Variants in SLC12A6 observed in about 807,000 individuals in gnomAD.
SLC12A6 encodes the protein solute carrier family 12 member 6.
SLC12A6 carries 66 observed loss-of-function variants against 135.3 expected under a neutral mutation model. The observed-to-expected ratio is 0.49, with a 90% CI of 0.40 to 0.60. The LOEUF is 0.60. Among genes scored for constraint, SLC12A6 ranks in the 20% least tolerant of loss-of-function variants. The pLI is 0.00. For missense variants in SLC12A6, 1,058 were observed against 1,452.3 expected (o/e 0.73, Z 4.41); for synonymous variants, 513 against 508.8 (o/e 1.01, Z -0.11).
intron 3 of SLC12A6, among the ~76,000 whole-genome samples, chr15:34,273,795 C>G (rs1894118773): frequency 1.3e-5 from 2 of 152,052 alleles, no homozygotes; most frequent in African/African-American, 4.8e-5. Flanking sequence ...CTTAACCTCA[C>G]TTACACTGAA....
chr15:34,312,270 G>A (rs535216430), intron 2 of SLC12A6, among the ~76,000 whole-genome samples: 1 of 152,160 alleles, frequency 6.6e-6, no homozygotes, highest in Non-Finnish European at 1.5e-5. Context: ...GGATCCTCCC[G>A]TACATCCTAT....
chr15:34,310,646 G>A (rs113297944), intron 2 of SLC12A6, among the ~76,000 whole-genome samples: 1 of 82,142 alleles, frequency 1.2e-5, no homozygotes, highest in East Asian at 4.6e-4. Flanking sequence ...GTGTGTGTGT[G>A]TGTGTGTGTG....
chr15:34,335,504 A>G (rs1298820029), intron 2 of SLC12A6, among the ~76,000 whole-genome samples: 1 of 152,252 alleles, frequency 6.6e-6, no homozygotes, highest in Non-Finnish European at 1.5e-5. Flanking sequence ...TTTTATCATT[A>G]AAAGATTACA....
At chr15:34,320,603 A>ATTT (rs10543386) in intron 2 of SLC12A6, among the ~76,000 whole-genome samples, 1 of 144,930 alleles carries the variant, frequency 6.9e-6, no homozygotes. Flanking sequence ...GGAATAAACA[A>ATTT]TTTTTTTTTT....
At chr15:34,259,072 G>C (rs1022708468) in intron 4 of SLC12A6, 128 bp from the exon 5 acceptor site, 1 of 709,922 alleles carries the variant, frequency 1.4e-6, no homozygotes, top group African/African-American at 1.8e-5. Context: ...GGGTGCAGTG[G>C]CTCACACCTG....
At chr15:34,276,626 G>A (rs1231103053) in intron 2 of SLC12A6, among the ~76,000 whole-genome samples, 2 of 152,076 alleles carry the variant, frequency 1.3e-5, no homozygotes, top group African/African-American at 4.8e-5. Context: ...TTTAGACCAG[G>A]GTTTATGTGA....
Position 34,240,837 on chromosome 15 carries a change from G to A in SLC12A6, c.2268-8C>T. On this transcript the variant is annotated splice_polypyrimidine_tract_variant and splice_region_variant and intron_variant, in intron 18 of 25. Coordinates refer to ENST00000354181, the MANE Select transcript of SLC12A6 (RefSeq NM_001365088.1). ...AATACAAGCAACTGAGGCCTGTGAAGAGGTTGGTGGGGGTTGGAGGGGAGG... is the reference window on the plus strand; with the variant it reads ...AATACAAGCAACTGAGGCCTGTGAAAAGGTTGGTGGGGGTTGGAGGGGAGG... 6.2e-7 allele frequency: 1 copy of A among 1,610,710 alleles called. No individual in the cohort carries two copies. Among genetic ancestry groups the A allele is most frequent in the South Asian group, 1.1e-5 (1 of 90,642 alleles).
At chr15:34,265,416 C>CAAAAAAAAAAAAAAAAAAA (rs1035614224) in intron 3 of SLC12A6, among the ~76,000 whole-genome samples, 3 of 103,664 alleles carry the variant, frequency 2.9e-5, no homozygotes, top group African/African-American at 1.3e-4. Flanking sequence ...AAAAAAAAAA[C>CAAAAAAAAAAAAAAAAAAA]AAACAAAAAA....
chr15:34,269,077 T>G (rs1893728264), intron 3 of SLC12A6, among the ~76,000 whole-genome samples: 1 of 151,974 alleles, frequency 6.6e-6, no homozygotes, highest in South Asian at 2.1e-4. Flanking sequence ...AGGCTGGTCT[T>G]GAACTCCTGA....
chr15:34,291,906 G>C (rs1895560475), intron 2 of SLC12A6, among the ~76,000 whole-genome samples: 1 of 151,960 alleles, frequency 6.6e-6, no homozygotes, highest in Non-Finnish European at 1.5e-5. Context: ...AAAGATTTTA[G>C]CTTCCTTGCA....
Position 34,235,261 on chromosome 15 carries a change from A to G in SLC12A6, c.3281T>C (p.Ile1094Thr). The G allele has an allele frequency of 6.2e-7, 1 of 1,612,696 alleles. No homozygotes were observed. The highest frequency in any genetic ancestry group is 8.5e-7 in the Non-Finnish European group (1 of 1,178,700). ...MHTAVKLNEV[I>T]VNKSHEAKLV... ...CTTTGCTTCATGGGACTTGTTAACTATAACCTCGTTGAGTTTCACTGCTGT... is the reference window on the plus strand; with the variant it reads ...CTTTGCTTCATGGGACTTGTTAACTGTAACCTCGTTGAGTTTCACTGCTGT... The change falls in exon 25 of 26, where the codon ATA becomes ACA. Residue 1094 changes from isoleucine (I) to threonine (T), a missense_variant. By Grantham distance (89) the Ile-to-Thr change is moderately conservative. Coordinates refer to ENST00000354181, the MANE Select transcript of SLC12A6 (RefSeq NM_001365088.1).
intron 2 of SLC12A6, among the ~76,000 whole-genome samples, chr15:34,306,198 C>T (rs1394210576): frequency 6.6e-6 from 1 of 152,156 alleles, no homozygotes; most frequent in African/African-American, 2.4e-5. Context: ...TGTTGGAGGA[C>T]CACAAGCGGT....
At chr15:34,259,340 C>CAA (rs1304563877) in intron 4 of SLC12A6, among the ~76,000 whole-genome samples, 5 of 111,352 alleles carry the variant, frequency 4.5e-5, no homozygotes, top group Non-Finnish European at 5.7e-5. Context: ...GACTCCATCT[C>CAA]AAAAAAAAAA....
At chr15:34,237,573 T>G in intron 21 of SLC12A6, 23 bp from the exon 22 acceptor site, 2 of 1,607,168 alleles carry the variant, frequency 1.2e-6, no homozygotes, top group Non-Finnish European at 1.7e-6. Context: ...CATACACATG[T>G]GAAAAATTAG....
At chr15:34,241,522 C>G (rs897367705) in intron 17 of SLC12A6, among the ~76,000 whole-genome samples, 185 bp from the exon 18 acceptor site, 3 of 152,148 alleles carry the variant, frequency 2.0e-5, no homozygotes, top group Admixed American at 6.5e-5. Context: ...TCAACAGCAC[C>G]AACAGACTGC....
intron 9 of SLC12A6, among the ~76,000 whole-genome samples, chr15:34,252,604 G>A (rs1173010100): frequency 6.6e-6 from 1 of 152,130 alleles, no homozygotes; most frequent in Admixed American, 6.5e-5. Context: ...ACCTCACAAT[G>A]TATTAGAATT....
chr15:34,251,998 C>T (rs942001964), intron 10 of SLC12A6, among the ~76,000 whole-genome samples, 172 bp downstream of exon 10: 1 of 152,110 alleles, frequency 6.6e-6, no homozygotes, highest in Non-Finnish European at 1.5e-5. Context: ...ATAAGGACAG[C>T]TTTACTAATG....
At chr15:34,241,778 ATTTC>A (rs967683534) in intron 17 of SLC12A6, among the ~76,000 whole-genome samples, 44 of 152,326 alleles carry the variant, frequency 2.9e-4, no homozygotes, top group African/African-American at 9.4e-4. Context: ...TTCAGAACTA[ATTTC>A]TTTTTCATTT....
chr15:34,261,174 T>C (rs1893099067), intron 3 of SLC12A6, among the ~76,000 whole-genome samples, 154 bp from the exon 4 acceptor site: 2 of 152,274 alleles, frequency 1.3e-5, no homozygotes, highest in South Asian at 4.1e-4. Context: ...TTGGAGAATA[T>C]GGAACAAAAT....
Sources: gnomAD v4.1 joint callset for allele counts (sites outside exome capture counted in the v4.1 genomes callset) on GRCh38, gnomAD v4.1.1 for gene constraint, MANE v1.5 for transcripts, NCBI Gene and HGNC (gene_info 2026-07-23, HGNC 2026-07-21) for gene names.